Variants in NFE2L3 observed in about 807,000 individuals in gnomAD.
NFE2L3 encodes nuclear factor erythroid 2-related factor 3.
A neutral mutation model predicts 23.5 loss-of-function variants in NFE2L3; 18 were observed. The observed-to-expected ratio is 0.77, with a 90% CI of 0.53 to 1.13. NFE2L3 has a LOEUF of 1.13. Ranked by LOEUF, NFE2L3 falls within the 50% of genes most tolerant of loss-of-function variation. The pLI, the probability that NFE2L3 is intolerant of heterozygous loss-of-function variation, is 0.00. For synonymous variants in NFE2L3, 424 were observed against 354.5 expected, an observed-to-expected ratio of 1.20 and a Z score of -2.20; for missense variants, 1,152 against 877.2, an observed-to-expected ratio of 1.31 and a Z score of -3.96.
intron 1 of NFE2L3, among the ~76,000 whole-genome samples, chr7:26,170,238 C>T (rs1486465278): frequency 6.6e-6 from 1 of 152,166 alleles, no homozygotes; most frequent in Non-Finnish European, 1.5e-5. Flanking sequence ...GTCTTCCTCT[C>T]CCTACCCGGC....
intron 1 of NFE2L3, among the ~76,000 whole-genome samples, chr7:26,172,251 G>C (rs768274868): frequency 6.6e-6 from 1 of 152,182 alleles, no homozygotes; most frequent in Non-Finnish European, 1.5e-5. Context: ...TGCTATGTAG[G>C]CATTTTTAGG....
At chr7:26,184,266 G>GT in intron 3 of NFE2L3, 1 of 418,516 alleles carries the variant, frequency 2.4e-6, no homozygotes, top group Admixed American at 4.2e-5. Context: ...TTACAAGATT[G>GT]TAACATTAGA....
Position 26,186,006 on chromosome 7 carries a change from T to A in NFE2L3, c.*223T>A. On this transcript the variant is annotated 3_prime_UTR_variant, in exon 4 of 4. Transcript: ENST00000056233. Reference sequence around the variant, plus strand: ...AGCCACAACTTTTCATGAAGTGCATTGTATACAAAATTCATAGTTATGTCC... The same window carrying A: ...AGCCACAACTTTTCATGAAGTGCATAGTATACAAAATTCATAGTTATGTCC... 1 of 423,574 alleles carries A rather than the reference T, an allele frequency of 2.4e-6. No individual in the cohort carries two copies. The highest frequency in any genetic ancestry group is 5.3e-5 in the South Asian group (1 of 18,970). 26.2% of individuals were successfully genotyped at this position (423,574 alleles called of 1,614,324 possible).
rs527739936 is a variant in NFE2L3, at chr7:26,161,527, T to G, written c.570+8459T>G. On this transcript the variant is annotated intron_variant, in intron 1 of 3. Coordinates refer to ENST00000056233, the MANE Select transcript of NFE2L3 (RefSeq NM_004289.7). ...AGTTTTCCAGACCCCCAGGTGGTTC[T>G]TGTGCCATCCCAAGCTTAAGGTCCT... Among the ~76,000 whole-genome samples, 95 of 152,012 alleles carry G rather than the reference T, an allele frequency of 6.2e-4. 1 individual carries two copies. The highest frequency in any genetic ancestry group is 1.0e-3 in the Non-Finnish European group (68 of 67,966).
At chr7:26,158,876 T>C (rs1583926121) in intron 1 of NFE2L3, among the ~76,000 whole-genome samples, 1 of 152,328 alleles carries the variant, frequency 6.6e-6, no homozygotes, top group East Asian at 1.9e-4. Flanking sequence ...TGAGCCTTGG[T>C]TCCCTTATCC....
At chr7:26,160,241 G>A (rs1784146623) in intron 1 of NFE2L3, among the ~76,000 whole-genome samples, 1 of 152,146 alleles carries the variant, frequency 6.6e-6, no homozygotes, top group South Asian at 2.1e-4. Flanking sequence ...ACAGGTGTGA[G>A]CCACCGCACC....
intron 1 of NFE2L3, among the ~76,000 whole-genome samples, chr7:26,163,729 C>A (rs1030435914): frequency 7.9e-5 from 12 of 152,138 alleles, no homozygotes; most frequent in Non-Finnish European, 1.5e-4. Context: ...CATATGTATA[C>A]ATGTGCCATG....
In NFE2L3 at chr7:26,182,382, G is replaced by A. The variant is rs567782220; in HGVS notation, c.751-1319G>A. Among the ~76,000 whole-genome samples the A allele has an allele frequency of 1.6e-4, 24 of 150,190 alleles. 1 individual carries two copies. The highest frequency in any genetic ancestry group is 6.1e-4 in the African/African-American group (24 of 39,666). On this transcript the variant is annotated intron_variant, in intron 2 of 3. Transcript: ENST00000056233. ...CTCATGCCTGTAATCCCAACTCTTT[G>A]TGAGGCCAAGGCAGGTGGATCACCT...
Position 26,186,394 on chromosome 7 carries a change from A to G in NFE2L3, c.*611A>G, listed in dbSNP as rs555194709. The G allele has an allele frequency of 6.6e-6, 1 of 152,302 alleles. No individual in the cohort carries two copies. Among genetic ancestry groups the G allele is most frequent in the Non-Finnish European group, 1.5e-5 (1 of 68,098 alleles). 9.4% of individuals were successfully genotyped at this position (152,302 alleles called of 1,614,324 possible). On this transcript the variant is annotated 3_prime_UTR_variant, in exon 4 of 4. Coordinates refer to ENST00000056233, the MANE Select transcript of NFE2L3 (RefSeq NM_004289.7). ...ATAGGTGAATAACAAATAAGGCAGC[A>G]TAGCAAACTGCTCAGACTCAAGCCA...
chr7:26,156,455 G>A (rs1243049926), intron 1 of NFE2L3, among the ~76,000 whole-genome samples: 1 of 152,136 alleles, frequency 6.6e-6, no homozygotes, highest in Non-Finnish European at 1.5e-5. Context: ...GATTTTCCAA[G>A]TATCAAAAGG....
At chr7:26,164,246 T>A (rs1226101250) in intron 1 of NFE2L3, among the ~76,000 whole-genome samples, 1 of 152,208 alleles carries the variant, frequency 6.6e-6, no homozygotes, top group Non-Finnish European at 1.5e-5. Context: ...ACTTCCACAA[T>A]GGTTGAACTA....
At chr7:26,158,075 A>C (rs1658134924) in intron 1 of NFE2L3, among the ~76,000 whole-genome samples, 1 of 151,438 alleles carries the variant, frequency 6.6e-6, no homozygotes. Flanking sequence ...TTGAGATGGA[A>C]TCTTGCTCTG....
intron 1 of NFE2L3, among the ~76,000 whole-genome samples, chr7:26,158,540 T>G (rs1197694599): frequency 6.6e-6 from 1 of 152,240 alleles, no homozygotes; most frequent in Non-Finnish European, 1.5e-5. Flanking sequence ...ACTTGGTGTG[T>G]GCTCCTGAGA....
chr7:26,167,219 G>A (rs1784263688), intron 1 of NFE2L3, among the ~76,000 whole-genome samples: 1 of 152,204 alleles, frequency 6.6e-6, no homozygotes, highest in South Asian at 2.1e-4. Flanking sequence ...CATGTTTACA[G>A]CCAGTAGGAA....
At chr7:26,176,544 C>T (rs1422357903) in intron 1 of NFE2L3, among the ~76,000 whole-genome samples, 6 of 120,914 alleles carry the variant, frequency 5.0e-5, no homozygotes, top group Non-Finnish European at 6.9e-5. Context: ...ACATCCCAGA[C>T]GGGGTGGCCA....
chr7:26,162,389 A>G (rs1230209593), intron 1 of NFE2L3, among the ~76,000 whole-genome samples: 1 of 152,138 alleles, frequency 6.6e-6, no homozygotes, highest in African/African-American at 2.4e-5. Flanking sequence ...AGTGCTGATC[A>G]TTGTTGAAAC....
At chr7:26,180,230 T>G (rs1784482165) in intron 2 of NFE2L3, among the ~76,000 whole-genome samples, 1 of 152,140 alleles carries the variant, frequency 6.6e-6, no homozygotes. Flanking sequence ...TTGAGGCCCT[T>G]TTTGACATTC....
chr7:26,165,488 C>T (rs1248478805), intron 1 of NFE2L3, among the ~76,000 whole-genome samples: 2 of 152,168 alleles, frequency 1.3e-5, no homozygotes, highest in Admixed American at 1.3e-4. Flanking sequence ...GATTTTTGCA[C>T]ATTGATTTTG....
At chr7:26,154,100 C>A (rs1403542904) in intron 1 of NFE2L3, among the ~76,000 whole-genome samples, 1 of 152,102 alleles carries the variant, frequency 6.6e-6, no homozygotes, top group Non-Finnish European at 1.5e-5. Context: ...AGACAAGCTT[C>A]TCCACCCTCC....
Sources: gnomAD v4.1 joint callset for allele counts (sites outside exome capture counted in the v4.1 genomes callset) on GRCh38, gnomAD v4.1.1 for gene constraint, MANE v1.5 for transcripts, NCBI Gene and HGNC (gene_info 2026-07-23, HGNC 2026-07-21) for gene names.